The following ACER2 variants were observed in gnomAD, a reference collection of about 807,000 sequenced individuals.
ACER2 encodes the protein alkaline ceramidase 2.
Under a neutral mutation model 34.7 loss-of-function variants are expected in ACER2, and 26 were observed. That is an observed-to-expected ratio of 0.75 (90% CI 0.55 to 1.04). The LOEUF (loss-of-function observed/expected upper bound fraction) is 1.04, where lower values mean the gene tolerates loss of function less well. Ranked by LOEUF, ACER2 falls within the 50% of genes least tolerant of loss-of-function variation. ACER2 has a pLI of 0.00. For synonymous variants in ACER2, 138 were observed against 132.1 expected (o/e 1.04, Z -0.31); for missense variants, 352 against 340.8 (o/e 1.03, Z -0.26).
At chr9:19,421,648 A>T (rs928562270) in intron 1 of ACER2, among the ~76,000 whole-genome samples, 6 of 152,164 alleles carry the variant, frequency 3.9e-5, no homozygotes, top group Admixed American at 2.0e-4. Context: ...TTTTGGGGTG[A>T]TGAAAACATT....
At chr9:19,448,464 A>G (rs1429906473) in intron 5 of ACER2, among the ~76,000 whole-genome samples, 2 of 151,958 alleles carry the variant, frequency 1.3e-5, no homozygotes, top group South Asian at 2.1e-4. Context: ...TATTTAACCA[A>G]CCTCTCTCTG....
At chr9:19,436,737 C>T (rs535971035) in intron 4 of ACER2, among the ~76,000 whole-genome samples, 1 of 152,200 alleles carries the variant, frequency 6.6e-6, no homozygotes, top group Non-Finnish European at 1.5e-5. Context: ...TTAGTCAACA[C>T]ATTTCCTGTT....
intron 4 of ACER2, among the ~76,000 whole-genome samples, chr9:19,440,667 A>G (rs573186258): frequency 6.6e-6 from 1 of 152,326 alleles, no homozygotes; most frequent in South Asian, 2.1e-4. Flanking sequence ...GTTTTGTTAT[A>G]ACAGCCTGCA....
At chr9:19,410,463 A>C (rs1450059862) in intron 1 of ACER2, among the ~76,000 whole-genome samples, 3 of 152,178 alleles carry the variant, frequency 2.0e-5, no homozygotes, top group Admixed American at 6.5e-5. Flanking sequence ...TATTCCTAGC[A>C]CTTTGGGAGG....
chr9:19,450,023 G>A (rs1831509032), intron 5 of ACER2, among the ~76,000 whole-genome samples: 1 of 151,958 alleles, frequency 6.6e-6, no homozygotes, highest in East Asian at 1.9e-4. Context: ...AACTGCAAAA[G>A]TGGTTTAACC....
At chr9:19,439,695 TG>T (rs1831084833) in intron 4 of ACER2, among the ~76,000 whole-genome samples, 1 of 152,168 alleles carries the variant, frequency 6.6e-6, no homozygotes, top group Non-Finnish European at 1.5e-5. Flanking sequence ...CGGCTGGGCT[TG>T]GTGGCTCATG....
intron 1 of ACER2, among the ~76,000 whole-genome samples, chr9:19,415,158 A>G (rs1437017886): frequency 6.6e-6 from 1 of 152,202 alleles, no homozygotes; most frequent in Non-Finnish European, 1.5e-5. Context: ...ATATGGCAAA[A>G]TAGTGCTTCT....
At chr9:19,426,304 TTC>T (rs1381584543) in intron 3 of ACER2, among the ~76,000 whole-genome samples, 2 of 149,168 alleles carry the variant, frequency 1.3e-5, no homozygotes, top group African/African-American at 5.1e-5. Context: ...CTGTCTTTCT[TTC>T]TCTTTCTTTC....
rs926218984 is a variant in ACER2, at chr9:19,452,418, A to G, written c.*1782A>G. On this transcript the variant is annotated 3_prime_UTR_variant, in exon 6 of 6. Transcript: ENST00000340967. The stretch of plus-strand genomic sequence containing the variant: ...TTATCAAATTATATAGGTTGTTGAG[A>G]AGCAGAACGCTGTTTGTAGTAAGAA... Among the ~76,000 whole-genome samples the G allele has an allele frequency of 2.0e-5, 3 of 152,194 alleles. No homozygotes were observed. The highest frequency in any genetic ancestry group is 4.4e-5 in the Non-Finnish European group (3 of 68,046).
At position 19,428,594 on chromosome 9, in the gene ACER2, TAA is replaced by T. The variant is rs995340403; in HGVS notation, c.365+3762_365+3763del. On this transcript the variant is annotated intron_variant, in intron 3 of 5. Transcript: ENST00000340967. ...ACATGGCTTTGAATAACAATTAACC[TAA>T]AAAAAAAAGGCTCTGGGACCCTGTT... Among the ~76,000 whole-genome samples, 3 of 145,164 alleles carry T rather than the reference TAA, an allele frequency of 2.1e-5. No individual in the cohort carries two copies. In the Admixed American group the frequency reaches 2.1e-4, roughly 10 times the overall value.
In ACER2 at chr9:19,446,608, G is replaced by T. The variant is rs1019679347; in HGVS notation, c.641+190G>T. 4.1e-6 allele frequency: 4 copies of T among 985,418 alleles called. No homozygotes were observed. In the South Asian group the frequency reaches 1.9e-4, roughly 46 times the overall value. 61.0% of individuals were successfully genotyped at this position (985,418 alleles called of 1,614,324 possible). A position where few individuals can be genotyped will look rare whatever the true frequency, so the allele number is the denominator to read the frequency against. On this transcript the variant is annotated intron_variant, in intron 5 of 5. Coordinates refer to ENST00000340967, the MANE Select transcript of ACER2 (RefSeq NM_001010887.3). The stretch of plus-strand genomic sequence containing the variant: ...TGTAAAAAGCTGAATTGACTCCAGG[G>T]AGCAGGCTTAGCCGGAACGAAAGGC...
chr9:19,443,648 AGTTT>A (rs200934863), intron 4 of ACER2, among the ~76,000 whole-genome samples: 21 of 152,102 alleles, frequency 1.4e-4, no homozygotes, highest in Admixed American at 2.6e-4. Context: ...ATTCTAGGCT[AGTTT>A]GTTTGTTTGT....
chr9:19,429,391 G>C (rs1410211242), intron 3 of ACER2, among the ~76,000 whole-genome samples: 50 of 152,080 alleles, frequency 3.3e-4, no homozygotes, highest in Admixed American at 3.3e-3. Context: ...GAGTGCAGTG[G>C]CACAGTCATG....
rs1830280016 is a variant in ACER2, at chr9:19,417,773, TATA to T, written c.109-6088_109-6086del. Among the ~76,000 whole-genome samples, 3 of 152,006 alleles carry T rather than the reference TATA, an allele frequency of 2.0e-5. No individual in the cohort carries two copies. In the South Asian group the frequency reaches 6.2e-4, roughly 31 times the overall value. On this transcript the variant is annotated intron_variant, in intron 1 of 5. Coordinates refer to ENST00000340967, the MANE Select transcript of ACER2 (RefSeq NM_001010887.3). The stretch of plus-strand genomic sequence containing the variant: ...GAAAACCCTAGAAGGAAACCTAGGC[TATA>T]CCATTCAGGACATATGCATGGGCAA...
chr9:19,412,866 A>G (rs558460697), intron 1 of ACER2, among the ~76,000 whole-genome samples: 48 of 152,236 alleles, frequency 3.2e-4, no homozygotes, highest in Admixed American at 9.2e-4. Context: ...TAATTTATTT[A>G]TCTAATCAAT....
intron 1 of ACER2, among the ~76,000 whole-genome samples, chr9:19,422,299 T>C (rs1290881907): frequency 6.6e-6 from 1 of 150,706 alleles, no homozygotes; most frequent in Non-Finnish European, 1.5e-5. Flanking sequence ...ACCCTGTCTC[T>C]AAGAAAAAAA....
chr9:19,411,860 A>T (rs10811178), intron 1 of ACER2, among the ~76,000 whole-genome samples: 24,466 of 152,108 alleles, frequency 0.16, 2,029 homozygotes, highest in South Asian at 0.26. Flanking sequence ...CCATTACTTA[A>T]TTGCTATGTG....
At chr9:19,424,044 C>A in intron 2 of ACER2, 68 bp downstream of exon 2, 1 of 1,235,484 alleles carries the variant, frequency 8.1e-7, no homozygotes, top group Non-Finnish European at 1.2e-6. Flanking sequence ...GAATTCCACA[C>A]ACTTCCTCTC....
At chr9:19,416,619 G>A (rs748956698) in intron 1 of ACER2, among the ~76,000 whole-genome samples, 26 of 151,380 alleles carry the variant, frequency 1.7e-4, no homozygotes, top group Admixed American at 3.9e-4. Flanking sequence ...TCCGCCTCCC[G>A]GGTCCAAGTG....
Sources: allele counts gnomAD v4.1 joint callset (sites outside exome capture counted in the v4.1 genomes callset), GRCh38; gene constraint gnomAD v4.1.1; transcripts MANE v1.5; gene names NCBI Gene and HGNC (gene_info 2026-07-23, HGNC 2026-07-21).